The following CHRM3 variants were observed in gnomAD, a reference collection of about 807,000 sequenced individuals.
CHRM3 encodes muscarinic acetylcholine receptor M3.
In CHRM3, 11 loss-of-function variants were observed where a neutral mutation model predicts 41.8. The observed-to-expected ratio is 0.26, with a 90% confidence interval of 0.17 to 0.44. CHRM3 has a LOEUF of 0.44. Among genes scored for constraint, CHRM3 ranks in the 20% least tolerant of loss-of-function variants. The pLI is 1.00. For synonymous variants in CHRM3, 297 were observed against 301.4 expected (o/e 0.99, Z 0.15); for missense variants, 571 against 745.4 (o/e 0.77, Z 2.72).
chr1:239,490,069 G>T (rs951479951), intron 1 of CHRM3, among the ~76,000 whole-genome samples: 2 of 152,162 alleles, frequency 1.3e-5, no homozygotes, highest in Non-Finnish European at 2.9e-5. Flanking sequence ...TCGTAGGGTA[G>T]TTTGGAGGCT....
At chr1:239,768,167 C>G (rs1371042681) in intron 5 of CHRM3, among the ~76,000 whole-genome samples, 1 of 152,168 alleles carries the variant, frequency 6.6e-6, no homozygotes, top group Non-Finnish European at 1.5e-5. Flanking sequence ...CTAATATGCA[C>G]TGTGATTTTC....
rs12082628 is a variant in CHRM3 at position 239,634,406 on chromosome 1, G to A, written c.-250+2120G>A. The stretch of plus-strand genomic sequence containing the variant: ...GAAAGAAAGAAAGAAAGAAAGAAAG[G>A]AAAGAAAGAAGAAAAGAAAAGAGAA... On this transcript the variant is annotated intron_variant, in intron 4 of 6. Transcript: ENST00000676153. Among the ~76,000 whole-genome samples, 77 of 80,312 alleles carry A rather than the reference G, an allele frequency of 9.6e-4. No homozygotes were observed. The East Asian group carries it at 0.02, about 21-fold the overall frequency. The allele number at this position is 80,312 out of a possible 152,430, so 52.7% of individuals were successfully genotyped here. A position where few individuals can be genotyped will look rare whatever the true frequency, so the allele number is the denominator to read the frequency against.
chr1:239,712,542 T>G (rs1006078196), intron 5 of CHRM3, among the ~76,000 whole-genome samples: 2 of 152,222 alleles, frequency 1.3e-5, no homozygotes, highest in African/African-American at 4.8e-5. Flanking sequence ...CTGGGGTATC[T>G]CTGACTATTG....
chr1:239,855,591 A>G (rs1229191752), intron 6 of CHRM3, among the ~76,000 whole-genome samples: 1 of 152,072 alleles, frequency 6.6e-6, no homozygotes, highest in Non-Finnish European at 1.5e-5. Flanking sequence ...ACACACACAC[A>G]CATACCCAGA....
intron 1 of CHRM3, among the ~76,000 whole-genome samples, chr1:239,478,978 T>C (rs1666641851): frequency 6.6e-6 from 1 of 152,058 alleles, no homozygotes; most frequent in Admixed American, 6.6e-5. Context: ...AGCCTAGGCA[T>C]TTGAGTTCAG....
At chr1:239,794,885 C>T (rs974769060) in intron 5 of CHRM3, among the ~76,000 whole-genome samples, 1 of 152,110 alleles carries the variant, frequency 6.6e-6, no homozygotes, top group Admixed American at 6.5e-5. Flanking sequence ...AGCAGAATAG[C>T]CATTATGTTG....
chr1:239,765,266 G>GATCT (rs1281782071), intron 5 of CHRM3, among the ~76,000 whole-genome samples: 25 of 152,266 alleles, frequency 1.6e-4, no homozygotes, highest in Non-Finnish European at 2.9e-4. Flanking sequence ...GCAACCTAGG[G>GATCT]ATCTATCTCT....
intron 5 of CHRM3, among the ~76,000 whole-genome samples, chr1:239,780,744 T>C (rs1049777729): frequency 1.3e-5 from 2 of 152,130 alleles, no homozygotes; most frequent in Admixed American, 6.6e-5. Context: ...TAATTTTATA[T>C]TTTACATTTA....
intron 1 of CHRM3, among the ~76,000 whole-genome samples, chr1:239,460,709 G>A (rs1405344596): frequency 1.3e-5 from 2 of 152,232 alleles, no homozygotes; most frequent in African/African-American, 2.4e-5. Flanking sequence ...ATAAAAATTA[G>A]CAGAAGCTAA....
At chr1:239,842,371 A>G (rs1252403949) in intron 6 of CHRM3, among the ~76,000 whole-genome samples, 1 of 151,988 alleles carries the variant, frequency 6.6e-6, no homozygotes, top group Non-Finnish European at 1.5e-5. Flanking sequence ...AGTAGCTAGG[A>G]TTATAGGTGC....
intron 6 of CHRM3, among the ~76,000 whole-genome samples, chr1:239,895,313 G>A (rs1044180693): frequency 2.6e-5 from 4 of 152,172 alleles, no homozygotes; most frequent in Non-Finnish European, 4.4e-5. Flanking sequence ...GAGAAAGCCC[G>A]AATTTGTTTC....
At chr1:239,467,404 C>T (rs547571244) in intron 1 of CHRM3, among the ~76,000 whole-genome samples, 12 of 152,094 alleles carry the variant, frequency 7.9e-5, no homozygotes, top group Non-Finnish European at 1.3e-4. Context: ...TGGGTTCAAG[C>T]GATTCTCCTA....
chr1:239,632,600 T>G (rs937440558), intron 4 of CHRM3, among the ~76,000 whole-genome samples: 1 of 152,236 alleles, frequency 6.6e-6, no homozygotes, highest in Admixed American at 6.5e-5. Flanking sequence ...GTTTGAATTA[T>G]TAGTACATAT....
At chr1:239,641,476 T>A (rs1370172655) in intron 4 of CHRM3, among the ~76,000 whole-genome samples, 4 of 146,626 alleles carry the variant, frequency 2.7e-5, no homozygotes, top group Non-Finnish European at 1.5e-5. Flanking sequence ...ATATTTAGGA[T>A]AGTTAGCTCT....
intron 5 of CHRM3, among the ~76,000 whole-genome samples, chr1:239,794,593 ATCTC>A (rs979489795): frequency 2.0e-5 from 3 of 151,866 alleles, no homozygotes; most frequent in Non-Finnish European, 2.9e-5. Context: ...TTTCTACATA[ATCTC>A]TCTGTGTTTT....
At chr1:239,441,236 T>C (rs897251123) in intron 1 of CHRM3, among the ~76,000 whole-genome samples, 16 of 152,326 alleles carry the variant, frequency 1.1e-4, no homozygotes, top group Middle Eastern at 3.4e-3. Flanking sequence ...AACTGCTGGT[T>C]TCTGGTTAAG....
chr1:239,514,344 A>T lies in CHRM3; in HGVS notation c.-422+21537A>T, dbSNP rs141758022. On this transcript the variant is annotated intron_variant, in intron 2 of 6. Transcript: ENST00000676153. Reference sequence around the variant, plus strand: ...AGTTACCCTTGTGTAGATCTCGTACATTTTTTTAAGTCTTATTTCTAAGTC... The same window carrying T: ...AGTTACCCTTGTGTAGATCTCGTACTTTTTTTTAAGTCTTATTTCTAAGTC... Among the ~76,000 whole-genome samples, 788 of 87,984 alleles carry T rather than the reference A, an allele frequency of 9.0e-3. 7 individuals are homozygous for T. Among genetic ancestry groups the T allele is most frequent in the African/African-American group, 0.033 (752 of 22,640 alleles). The allele number at this position is 87,984 out of a possible 152,430, so 57.7% of individuals were successfully genotyped here.
intron 3 of CHRM3, among the ~76,000 whole-genome samples, chr1:239,561,016 A>G (rs978900219): frequency 2.0e-5 from 3 of 152,010 alleles, no homozygotes; most frequent in African/African-American, 7.3e-5. Flanking sequence ...AGTCGGTTTT[A>G]TTGAATCAGT....
At chr1:239,443,077 T>A (rs1260270268) in intron 1 of CHRM3, among the ~76,000 whole-genome samples, 2 of 152,232 alleles carry the variant, frequency 1.3e-5, no homozygotes, top group Non-Finnish European at 1.5e-5. Context: ...TTTTATGTAT[T>A]TAATTTATAG....
Sources: allele counts gnomAD v4.1 joint callset (sites outside exome capture counted in the v4.1 genomes callset), GRCh38; gene constraint gnomAD v4.1.1; transcripts MANE v1.5; gene names NCBI Gene and HGNC (gene_info 2026-07-23, HGNC 2026-07-21).